Variants in FRA10AC1 observed in about 807,000 individuals in gnomAD.
FRA10AC1 encodes the protein FRA10A associated CGG repeat 1.
In FRA10AC1, 43 loss-of-function variants were observed where a neutral mutation model predicts 56.5. That is an observed-to-expected ratio of 0.76 (90% confidence interval 0.60 to 0.98). The LOEUF (loss-of-function observed/expected upper bound fraction) is 0.98. FRA10AC1 is among the 50% of genes least tolerant of loss of function. The pLI is 0.00. For synonymous variants in FRA10AC1, 112 were observed against 110.5 expected (o/e 1.01, Z -0.09); for missense variants, 346 against 351.8 (o/e 0.98, Z 0.13).
At chr10:93,683,979 A>C (rs1264083719) in intron 10 of FRA10AC1, 77 bp downstream of exon 10, 4 of 981,530 alleles carry the variant, frequency 4.1e-6, no homozygotes, top group South Asian at 1.4e-5. Context: ...CTAAGTCTAC[A>C]TTTAGATACT....
At chr10:93,682,964 G>A (rs201283122) in intron 10 of FRA10AC1, among the ~76,000 whole-genome samples, 1 of 151,812 alleles carries the variant, frequency 6.6e-6, no homozygotes, top group Admixed American at 6.6e-5. Context: ...AAAAAAGAAA[G>A]CTATTTTAAA....
chr10:93,670,003 C>A, intron 13 of FRA10AC1, 135 bp from the exon 14 acceptor site: 2 of 499,266 alleles, frequency 4.0e-6, no homozygotes, highest in Admixed American at 4.0e-5. Context: ...AATATATTGC[C>A]ATGATTCAGC....
intron 4 of FRA10AC1, among the ~76,000 whole-genome samples, chr10:93,696,955 CG>C (rs2059243552): frequency 6.6e-6 from 1 of 151,864 alleles, no homozygotes; most frequent in African/African-American, 2.4e-5. Context: ...AGCCGGTGGG[CG>C]GGGAAGGGTG....
At chr10:93,679,815 G>C (rs1259026500) in intron 11 of FRA10AC1, among the ~76,000 whole-genome samples, 1 of 152,166 alleles carries the variant, frequency 6.6e-6, no homozygotes, top group African/African-American at 2.4e-5. Context: ...GCCTATAAGA[G>C]AAAATATAGT....
At chr10:93,698,761 G>T (rs2059278922) in intron 2 of FRA10AC1, among the ~76,000 whole-genome samples, 1 of 151,976 alleles carries the variant, frequency 6.6e-6, no homozygotes, top group Admixed American at 6.5e-5. Flanking sequence ...GAAGTTTTTG[G>T]TAATTAATGA....
In FRA10AC1 at chr10:93,676,212, T is replaced by G. The variant is rs2058837362; in HGVS notation, c.826+441A>C. Among the ~76,000 whole-genome samples, 5 of 152,208 alleles carry G rather than the reference T, an allele frequency of 3.3e-5. No homozygotes were observed. The South Asian group carries it at 1.0e-3, about 32-fold the overall frequency. On this transcript the variant is annotated intron_variant, in intron 12 of 13. Transcript: ENST00000359204. ...TAACCTTAAAAAAACTTATTGTGTA[T>G]GTTTTTATAAGTCATTGTGAATACT... is the stretch of plus-strand genomic sequence containing the variant.
At chr10:93,683,415 A>G (rs1196544967) in intron 10 of FRA10AC1, among the ~76,000 whole-genome samples, 2 of 151,960 alleles carry the variant, frequency 1.3e-5, no homozygotes, top group Non-Finnish European at 2.9e-5. Flanking sequence ...CAGTGGCTCA[A>G]TCTTGGCTCA....
chr10:93,684,497 CTTT>C (rs56873831), intron 9 of FRA10AC1, among the ~76,000 whole-genome samples: 88 of 130,010 alleles, frequency 6.8e-4, no homozygotes, highest in Middle Eastern at 4.0e-3. Flanking sequence ...ATTGTGGTCT[CTTT>C]TTTTTTTTTT....
rs2058932944 is a variant in FRA10AC1 at position 93,681,487 on chromosome 10, T to A, written c.780A>T (p.Lys260Asn). Residue 260 changes from lysine to asparagine, a missense_variant, in exon 11 of 14, where the codon AAA becomes AAT. Lys to Asn is a moderately conservative substitution (Grantham distance 94, BLOSUM62 0). Transcript: ENST00000359204. ...ATCTTAATTTCCTTTTACCTTTATCTTTTTTCTTGGAGGCCTCTTCTGCAG... is the reference window on the plus strand; with the variant it reads ...ATCTTAATTTCCTTTTACCTTTATCATTTTTCTTGGAGGCCTCTTCTGCAG... ...LSSAEEASKK[K>N]DKGHSSSKKS... 1 of 1,559,126 alleles carries A rather than the reference T, an allele frequency of 6.4e-7. No individual in the cohort carries two copies. Among genetic ancestry groups the A allele is most frequent in the Non-Finnish European group, 8.7e-7 (1 of 1,152,540 alleles).
rs2059003876 is a variant in FRA10AC1 at position 93,685,183 on chromosome 10, T to C, written c.625+63A>G. 1.3e-5 allele frequency: 10 copies of C among 778,350 alleles called. No individual in the cohort carries two copies. In the East Asian group the frequency reaches 2.4e-4, roughly 19 times the overall value. The allele number at this position is 778,350 out of a possible 1,614,324, so 48.2% of individuals were successfully genotyped here. On this transcript the variant is annotated intron_variant, in intron 9 of 13. Coordinates refer to ENST00000359204, the MANE Select transcript of FRA10AC1 (RefSeq NM_145246.5). Reference sequence around the variant, plus strand: ...AATTGCATTTGAATTTTAAAGTCTATATATTTTTAAATTAAAGACAAACTT... The same window carrying C: ...AATTGCATTTGAATTTTAAAGTCTACATATTTTTAAATTAAAGACAAACTT...
chr10:93,694,713 TAAAAAAAAAAAAAA>T (rs10554752), intron 5 of FRA10AC1, 134 bp downstream of exon 5: 172 of 240,548 alleles, frequency 7.2e-4, no homozygotes, highest in African/African-American at 4.5e-3. Flanking sequence ...GACTCCATCT[TAAAAAAAAAAAAAA>T]AAAAAAAAAA....
At position 93,702,522 on chromosome 10, in the gene FRA10AC1, A is replaced by ACAGCCGCCGCCGCCGCCGCCGCCGCCG. The variant is rs2059356911; in HGVS notation, c.-149_-148insCGGCGGCGGCGGCGGCGGCGGCGGCTG. 4.7e-6 allele frequency: 1 copy of ACAGCCGCCGCCGCCGCCGCCGCCGCCG among 211,550 alleles called. No individual in the cohort carries two copies. The highest frequency in any genetic ancestry group is 9.3e-6 in the Non-Finnish European group (1 of 107,802). The allele number at this position is 211,550 out of a possible 1,614,324, so 13.1% of individuals were successfully genotyped here. ...GCCGCACAGCCTCGCCACAACCACCACCGCCGCCGCCGCCGCCGCCGCCGC... is the reference window on the plus strand; with the variant it reads ...GCCGCACAGCCTCGCCACAACCACCACAGCCGCCGCCGCCGCCGCCGCCGCCGCCGCCGCCGCCGCCGCCGCCGCCGC... On this transcript the variant is annotated 5_prime_UTR_variant, in exon 1 of 14. Coordinates refer to ENST00000359204, the MANE Select transcript of FRA10AC1 (RefSeq NM_145246.5).
At chr10:93,689,293 T>C (rs2059084474) in intron 7 of FRA10AC1, among the ~76,000 whole-genome samples, 1 of 152,054 alleles carries the variant, frequency 6.6e-6, no homozygotes, top group South Asian at 2.1e-4. Context: ...ATCATTAATC[T>C]ATTACTTGAA....
intron 6 of FRA10AC1, 97 bp from the exon 7 acceptor site, chr10:93,692,190 A>C: frequency 2.4e-6 from 2 of 844,560 alleles, no homozygotes; most frequent in Non-Finnish European, 3.4e-6. Context: ...CATAAATATT[A>C]ATGTTTTAAG....
rs1382778502 is a variant in FRA10AC1, at chr10:93,694,577, G to A, written c.296+284C>T. Among the ~76,000 whole-genome samples, 5 of 151,928 alleles carry A rather than the reference G, an allele frequency of 3.3e-5. No individual in the cohort carries two copies. The East Asian group carries it at 9.7e-4, about 29-fold the overall frequency. On this transcript the variant is annotated intron_variant, in intron 5 of 13. Coordinates refer to ENST00000359204, the MANE Select transcript of FRA10AC1 (RefSeq NM_145246.5). Reference sequence around the variant, plus strand: ...AAAAATACAAAAATTAGCCAGGCATGGTGGCAGGAGCCTGTAATCCCAGCT... The same window carrying A: ...AAAAATACAAAAATTAGCCAGGCATAGTGGCAGGAGCCTGTAATCCCAGCT...
At chr10:93,685,964 T>C (rs2059020018) in intron 8 of FRA10AC1, among the ~76,000 whole-genome samples, 1 of 151,784 alleles carries the variant, frequency 6.6e-6, no homozygotes, top group African/African-American at 2.4e-5. Flanking sequence ...TTGACACTAT[T>C]ATTAACATCA....
At chr10:93,699,030 CGTGGCCCAAG>C (rs1363934895) in intron 2 of FRA10AC1, among the ~76,000 whole-genome samples, 13 of 152,268 alleles carry the variant, frequency 8.5e-5, no homozygotes, top group Middle Eastern at 3.4e-3. Flanking sequence ...CACTGTAGTA[CGTGGCCCAAG>C]ACAATTCTTC....
intron 9 of FRA10AC1, 39 bp from the exon 10 acceptor site, chr10:93,684,137 T>G: frequency 7.0e-7 from 1 of 1,423,716 alleles, no homozygotes; most frequent in Non-Finnish European, 9.9e-7. Context: ...TGATTTTGAA[T>G]AACCACACTG....
At chr10:93,676,798 C>G in intron 11 of FRA10AC1, 107 bp from the exon 12 acceptor site, 2 of 1,357,598 alleles carry the variant, frequency 1.5e-6, no homozygotes, top group Non-Finnish European at 1.9e-6. Context: ...TATAGTCTTA[C>G]AGATAAGCAC....
Sources: allele counts gnomAD v4.1 joint callset (sites outside exome capture counted in the v4.1 genomes callset), GRCh38; gene constraint gnomAD v4.1.1; transcripts MANE v1.5; gene names NCBI Gene and HGNC (gene_info 2026-07-23, HGNC 2026-07-21).